Variants in UBE2D3 observed in about 807,000 individuals in gnomAD.
The protein encoded by UBE2D3 is ubiquitin-conjugating enzyme E2 D3.
A neutral mutation model predicts 22.8 loss-of-function variants in UBE2D3; 2 were observed. The ratio of observed to expected loss-of-function variants is 0.09; its 90% CI spans 0.04 to 0.28. UBE2D3 has a LOEUF of 0.28. Among genes scored for constraint, UBE2D3 ranks in the 10% least tolerant of loss-of-function variants. UBE2D3 has a pLI of 1.00. For synonymous variants in UBE2D3, 56 were observed against 60.4 expected, an observed-to-expected ratio of 0.93 and a Z score of 0.34; for missense variants, 27 against 182.5, an observed-to-expected ratio of 0.15 and a Z score of 4.91.
At chr4:102,851,276 T>A (rs1249762713) in intron 1 of UBE2D3, among the ~76,000 whole-genome samples, 1 of 152,246 alleles carries the variant, frequency 6.6e-6, no homozygotes, top group Non-Finnish European at 1.5e-5. Flanking sequence ...TGCAAATAGA[T>A]GTGACTTTGT....
chr4:102,858,664 T>C (rs2110376592), intron 1 of UBE2D3, among the ~76,000 whole-genome samples: 1 of 152,084 alleles, frequency 6.6e-6, no homozygotes, highest in East Asian at 1.9e-4. Context: ...GGAAAGAGCA[T>C]GTTAATTTAA....
intron 1 of UBE2D3, chr4:102,826,972 C>G: frequency 1.0e-6 from 1 of 996,118 alleles, no homozygotes; most frequent in Non-Finnish European, 1.2e-6. Flanking sequence ...GTCACTAGGG[C>G]AAAGAAAGGC....
chr4:102,843,071 C>T (rs1179238415), intron 1 of UBE2D3, among the ~76,000 whole-genome samples: 1 of 152,148 alleles, frequency 6.6e-6, no homozygotes, highest in Non-Finnish European at 1.5e-5. Context: ...GATCTTGCCA[C>T]TGCACTCCAG....
At chr4:102,867,969 ATTC>A (rs964551156) in intron 1 of UBE2D3, among the ~76,000 whole-genome samples, 6 of 151,916 alleles carry the variant, frequency 3.9e-5, no homozygotes, top group South Asian at 2.1e-4. Context: ...GCCCAAGACA[ATTC>A]TTCTTCCAGT....
At chr4:102,801,037 C>A (rs1251678717) in intron 6 of UBE2D3, among the ~76,000 whole-genome samples, 4 of 151,774 alleles carry the variant, frequency 2.6e-5, no homozygotes, top group Non-Finnish European at 5.9e-5. Flanking sequence ...TAAAAATTAA[C>A]CCAGGAAAGC....
intron 2 of UBE2D3, among the ~76,000 whole-genome samples, chr4:102,817,044 C>T (rs545479701): frequency 1.3e-5 from 2 of 152,254 alleles, no homozygotes; most frequent in African/African-American, 4.8e-5. Context: ...TGAGCTGGCT[C>T]TTGATGGAAA....
chr4:102,827,326 C>T (rs1274991865), intron 1 of UBE2D3, 101 bp downstream of exon 1: 1 of 974,024 alleles, frequency 1.0e-6, no homozygotes, highest in East Asian at 1.1e-4. Flanking sequence ...ACCCAATAGG[C>T]TGGCCGCTCA....
intron 2 of UBE2D3, among the ~76,000 whole-genome samples, chr4:102,813,457 A>G (rs1349148122): frequency 6.6e-6 from 1 of 152,228 alleles, no homozygotes; most frequent in Non-Finnish European, 1.5e-5. Context: ...TTTTGGCCTG[A>G]GCAAAGCATG....
chr4:102,819,761 T>C (rs1729302772), intron 2 of UBE2D3, among the ~76,000 whole-genome samples: 1 of 152,230 alleles, frequency 6.6e-6, no homozygotes, highest in African/African-American at 2.4e-5. Flanking sequence ...TTGCACGTCA[T>C]CACACAAAGG....
In UBE2D3 at chr4:102,795,737, CAT is replaced by C. The variant is rs769265280; in HGVS notation, c.*1676_*1677del. ...TTTAACATTTATTTCTAGCTTTCCA[CAT>C]GTGTGTGCAGACAAGGAATAAGATT... is the stretch of plus-strand genomic sequence containing the variant. On this transcript the variant is annotated 3_prime_UTR_variant, in exon 8 of 8. Coordinates refer to ENST00000453744, the MANE Select transcript of UBE2D3 (RefSeq NM_181891.3). 54 of 152,186 alleles carry C rather than the reference CAT, an allele frequency of 3.5e-4. No individual in the cohort carries two copies. The highest frequency in any genetic ancestry group is 7.2e-4 in the Admixed American group (11 of 15,272). 9.4% of individuals were successfully genotyped at this position (152,186 alleles called of 1,614,324 possible).
intron 1 of UBE2D3, among the ~76,000 whole-genome samples, chr4:102,836,777 AT>A (rs1731432680): frequency 1.3e-5 from 2 of 152,028 alleles, no homozygotes; most frequent in Non-Finnish European, 2.9e-5. Context: ...TGATATTGGC[AT>A]TTTTTCATGT....
intron 1 of UBE2D3, among the ~76,000 whole-genome samples, chr4:102,860,407 GTGTGTGTGTGTGTGTA>G (rs1441650588): frequency 4.3e-5 from 5 of 117,418 alleles, no homozygotes; most frequent in African/African-American, 1.6e-4. Context: ...TTTTCCTGGT[GTGTGTGTGTGTGTGTA>G]TGTGTGTGTG....
intron 3 of UBE2D3, 21 bp downstream of exon 3, chr4:102,809,771 A>G: frequency 6.2e-7 from 1 of 1,613,714 alleles, no homozygotes; most frequent in Non-Finnish European, 8.5e-7. Context: ...AGGCATAAAA[A>G]TCAACTTGCA....
At chr4:102,867,953 TGTGTGGCCCAAGACAATTCTTCTTCCA>T (rs1733232103) in intron 1 of UBE2D3, among the ~76,000 whole-genome samples, 1 of 152,158 alleles carries the variant, frequency 6.6e-6, no homozygotes, top group South Asian at 2.1e-4. Flanking sequence ...AGTGTATTTA[TGTGTGGCCCAAGACAATTCTTCTTCCA>T]GTGTGGCCTA....
chr4:102,851,321 A>G (rs113249029), intron 1 of UBE2D3, among the ~76,000 whole-genome samples: 3 of 152,372 alleles, frequency 2.0e-5, no homozygotes, highest in African/African-American at 7.2e-5. Flanking sequence ...GAAGCTTCAC[A>G]GCTTTTTTCA....
intron 1 of UBE2D3, among the ~76,000 whole-genome samples, chr4:102,853,203 C>T (rs1166144204): frequency 1.6e-5 from 2 of 121,882 alleles, no homozygotes; most frequent in Admixed American, 2.1e-4. Flanking sequence ...AGTGCAGTGG[C>T]GGGATCTCGG....
intron 1 of UBE2D3, among the ~76,000 whole-genome samples, chr4:102,851,815 C>T (rs1354134329): frequency 2.6e-5 from 4 of 151,986 alleles, no homozygotes; most frequent in East Asian, 3.9e-4. Context: ...TACAGGTGCA[C>T]GCCACCACAC....
chr4:102,816,987 C>G (rs1483033445), intron 2 of UBE2D3, among the ~76,000 whole-genome samples: 1 of 152,172 alleles, frequency 6.6e-6, no homozygotes, highest in Non-Finnish European at 1.5e-5. Context: ...TCTGAGAATC[C>G]TGAAAAACCA....
chr4:102,856,324 GC>G (rs1379561911), intron 1 of UBE2D3, among the ~76,000 whole-genome samples: 2 of 152,104 alleles, frequency 1.3e-5, no homozygotes, highest in Non-Finnish European at 2.9e-5. Context: ...CTGAGATTGC[GC>G]CACTGCACTC....
Sources: gnomAD v4.1 joint callset for allele counts (sites outside exome capture counted in the v4.1 genomes callset) on GRCh38, gnomAD v4.1.1 for gene constraint, MANE v1.5 for transcripts, NCBI Gene and HGNC (gene_info 2026-07-23, HGNC 2026-07-21) for gene names.